Variants in LY75 observed in about 807,000 individuals in gnomAD.
The protein encoded by LY75 is C-type lectin domain family 13 member B.
Under a neutral mutation model 231.7 loss-of-function variants are expected in LY75, and 185 were observed. The observed-to-expected ratio is 0.80, with a 90% CI of 0.71 to 0.90. The LOEUF (loss-of-function observed/expected upper bound fraction) is 0.90, where lower values mean the gene tolerates loss of function less well. Among genes scored for constraint, LY75 ranks in the 40% least tolerant of loss-of-function variants. The pLI, the probability that LY75 is intolerant of heterozygous loss-of-function variation, is 0.00. For missense variants in LY75, 1,947 were observed against 2,050.2 expected (o/e 0.95, Z 0.97); for synonymous variants, 668 against 689.0 (o/e 0.97, Z 0.48).
intron 1 of LY75, chr2:159,903,658 A>C (rs1686145559): frequency 6.6e-6 from 1 of 152,272 alleles, no homozygotes; most frequent in Non-Finnish European, 1.5e-5. Context: ...AACTGCCTGG[A>C]CAATCTTTTC....
At chr2:159,886,660 G>A in intron 4 of LY75, 130 bp from the exon 5 acceptor site, 2 of 848,598 alleles carry the variant, frequency 2.4e-6, no homozygotes, top group Non-Finnish European at 3.4e-6. Flanking sequence ...GTAGAGGGCT[G>A]TTTATGCATC....
intron 13 of LY75, among the ~76,000 whole-genome samples, chr2:159,868,131 T>A (rs1345265486): frequency 6.6e-6 from 1 of 152,176 alleles, no homozygotes; most frequent in Non-Finnish European, 1.5e-5. Flanking sequence ...TTAGAATATG[T>A]TCTCTAAGCA....
intron 28 of LY75, among the ~76,000 whole-genome samples, chr2:159,831,296 G>T (rs1229948658): frequency 2.0e-5 from 3 of 152,156 alleles, no homozygotes; most frequent in Non-Finnish European, 2.9e-5. Flanking sequence ...AGTAAAACCT[G>T]CTTGTTTCCC....
chr2:159,859,798 C>T (rs1171911384), intron 15 of LY75, among the ~76,000 whole-genome samples: 1 of 152,110 alleles, frequency 6.6e-6, no homozygotes, highest in Non-Finnish European at 1.5e-5. Context: ...CACAAGATTG[C>T]TTATGTGCTA....
intron 18 of LY75, 58 bp from the exon 19 acceptor site, chr2:159,853,755 A>G (rs189559327): frequency 1.2e-6 from 2 of 1,605,212 alleles, no homozygotes; most frequent in Admixed American, 3.3e-5. Context: ...GAGGGTTTTG[A>G]TTCGAATACA....
In LY75 at chr2:159,850,078, C is replaced by G. The variant is rs750705948; in HGVS notation, c.3052G>C (p.Ala1018Pro). 1 of 1,613,966 alleles carries G rather than the reference C, an allele frequency of 6.2e-7. No individual in the cohort carries two copies. The highest frequency in any genetic ancestry group is 1.1e-5 in the South Asian group (1 of 91,078). ...GTCCATTTGTTTATCTTTTCATAGG[C>G]AGTCCAGCGCAAACCAATCCATAAA... ...ATLWIGLRWT[A>P]YEKINKWTDN... is the part of the protein sequence containing the mutation. The change falls in exon 23 of 35, where the codon GCC (alanine) becomes CCC (proline). Residue 1018 changes from alanine (A) to proline (P), a missense_variant. By Grantham distance (27) the Ala-to-Pro change is conservative. Transcript: ENST00000263636.
intron 34 of LY75, 144 bp downstream of exon 34, chr2:159,806,829 T>C (rs1682807817): frequency 1.0e-6 from 1 of 985,376 alleles, no homozygotes; most frequent in East Asian, 2.9e-5. Context: ...GGGGGAAATC[T>C]CTATGACTTA....
chr2:159,842,187 C>A (rs2556101), intron 24 of LY75, 58 bp downstream of exon 24: 77,628 of 1,435,892 alleles, frequency 0.054, 2,352 homozygotes, highest in East Asian at 0.14. Flanking sequence ...CTCTCTCTCT[C>A]TATATATATA....
intron 13 of LY75, chr2:159,872,192 T>C: frequency 3.1e-6 from 1 of 319,942 alleles, no homozygotes; most frequent in East Asian, 5.3e-5. Context: ...GCCTATATTC[T>C]AGATTTTCTG....
chr2:159,854,603 G>C, intron 17 of LY75, 68 bp from the exon 18 acceptor site: 1 of 1,525,074 alleles, frequency 6.6e-7, no homozygotes, highest in Non-Finnish European at 8.9e-7. Context: ...CTAAGCATGA[G>C]TTAATGTTCA....
chr2:159,851,521 T>A (rs1684402306), intron 21 of LY75, among the ~76,000 whole-genome samples: 1 of 152,204 alleles, frequency 6.6e-6, no homozygotes, highest in South Asian at 2.1e-4. Context: ...AGAAGCCTGA[T>A]TTTGAAGACT....
intron 2 of LY75, among the ~76,000 whole-genome samples, chr2:159,897,024 C>T (rs1229289188): frequency 6.6e-6 from 1 of 152,070 alleles, no homozygotes; most frequent in Admixed American, 6.5e-5. Flanking sequence ...TGGGTAGATC[C>T]TTAACCTTTT....
intron 28 of LY75, among the ~76,000 whole-genome samples, chr2:159,822,349 C>T (rs887128720): frequency 6.6e-6 from 1 of 152,286 alleles, no homozygotes; most frequent in South Asian, 2.1e-4. Context: ...AGAGCTTGGT[C>T]GGGGGAGTGG....
Position 159,850,400 on chromosome 2 carries a change from C to T in LY75, c.2951G>A (p.Gly984Asp). 6.2e-7 allele frequency: 1 copy of T among 1,613,652 alleles called. No individual in the cohort carries two copies. ...SQASDTCHSY[G>D]GTLPSVLSQI... Reference sequence around the variant, plus strand: ...GCTCAACACTGAAGGAAGGGTGCCACCATAGGAGTGACAGGTATCGCTTGC... The same window carrying T: ...GCTCAACACTGAAGGAAGGGTGCCATCATAGGAGTGACAGGTATCGCTTGC... Residue 984 changes from glycine to aspartate, a missense_variant, in exon 22 of 35, where the codon GGT becomes GAT. Gly to Asp is a moderately conservative substitution (Grantham distance 94). Coordinates refer to ENST00000263636, the MANE Select transcript of LY75 (RefSeq NM_002349.4).
In LY75 at chr2:159,898,690, T is replaced by C. The variant is rs1685973797; in HGVS notation, c.464A>G (p.His155Arg). 1 of 1,611,276 alleles carries C rather than the reference T, an allele frequency of 6.2e-7. No homozygotes were observed. Among genetic ancestry groups the C allele is most frequent in the East Asian group, 2.2e-5 (1 of 44,792 alleles). The change falls in exon 2 of 35, where the codon CAT becomes CGT. Residue 155 changes from histidine to arginine, a missense_variant and splice_region_variant. Transcript: ENST00000263636. ...SEESLCDQPY[H>R]EIYTRDGNSY... is the part of the protein sequence containing the mutation. ...CAAAGTCCCTCTCTAATACTCACCA[T>C]GATAAGGCTGGTCACAAAGGCTTTC... is the stretch of plus-strand genomic sequence containing the variant.
chr2:159,831,842 A>G (rs1683671910), intron 27 of LY75, 56 bp from the exon 28 acceptor site: 1 of 1,404,452 alleles, frequency 7.1e-7, no homozygotes, highest in African/African-American at 1.5e-5. Context: ...GTACACTTCT[A>G]TTTGATAAGT....
At position 159,815,393 on chromosome 2, in the gene LY75, T is replaced by C. The variant is rs201028227; in HGVS notation, c.4549+12A>G. 1.8e-5 allele frequency: 28 copies of C among 1,580,322 alleles called. No homozygotes were observed. The highest frequency in any genetic ancestry group is 9.6e-5 in the African/African-American group (7 of 72,946). ...TTTCATAAATGTACTGTTACTGAAA[T>C]TGAAGTCTTACATTTTGTAGGTTTA... On this transcript the variant is annotated intron_variant, in intron 31 of 34. Transcript: ENST00000263636.
At chr2:159,885,381 A>G in intron 5 of LY75, 88 bp from the exon 6 acceptor site, 3 of 1,508,826 alleles carry the variant, frequency 2.0e-6, no homozygotes, top group Non-Finnish European at 2.7e-6. Flanking sequence ...TCCTAATTTT[A>G]TGCTTTTATG....
At chr2:159,857,039 G>A (rs574547926) in intron 16 of LY75, among the ~76,000 whole-genome samples, 2 of 152,126 alleles carry the variant, frequency 1.3e-5, no homozygotes, top group Non-Finnish European at 2.9e-5. Flanking sequence ...GACATTGTCC[G>A]AATTAATTAT....
Sources: allele counts gnomAD v4.1 joint callset (sites outside exome capture counted in the v4.1 genomes callset), GRCh38; gene constraint gnomAD v4.1.1; transcripts MANE v1.5; gene names NCBI Gene and HGNC (gene_info 2026-07-23, HGNC 2026-07-21).